SEC24A: variants seen among roughly 807,000 people sequenced by gnomAD.
SEC24A encodes protein transport protein Sec24A.
In SEC24A, 93 loss-of-function variants were observed where a neutral mutation model predicts 129.4. The observed-to-expected ratio is 0.72, with a 90% CI of 0.61 to 0.85. The LOEUF is 0.85. Among genes scored for constraint, SEC24A ranks in the 40% least tolerant of loss-of-function variants. The pLI is 0.00. For synonymous variants in SEC24A, 460 were observed against 467.3 expected (o/e 0.98, Z 0.20); for missense variants, 1,264 against 1,307.4 (o/e 0.97, Z 0.51).
At chr5:134,705,090 A>ATATATATATATATATATT (rs1180461537) in intron 16 of SEC24A, among the ~76,000 whole-genome samples, 1 of 123,306 alleles carries the variant, frequency 8.1e-6, no homozygotes, top group East Asian at 2.3e-4. Flanking sequence ...ATATATATAT[A>ATATATATATATATATATT]TTTTTTTTTT....
rs915341979 is a variant in SEC24A at position 134,725,677 on chromosome 5, A to G, written c.*583A>G. On this transcript the variant is annotated 3_prime_UTR_variant, in exon 23 of 23. Coordinates refer to ENST00000398844, the MANE Select transcript of SEC24A (RefSeq NM_021982.3). ...CTAGTATAGCTTGAGAAAAATATGA[A>G]GAAACACATTCAAGCTTTAAAATCT... The G allele has an allele frequency of 2.0e-5, 3 of 152,498 alleles. No homozygotes were observed. Among genetic ancestry groups the G allele is most frequent in the African/African-American group, 7.2e-5 (3 of 41,424 alleles). The allele number at this position is 152,498 out of a possible 1,614,324, so 9.4% of individuals were successfully genotyped here. A position where few individuals can be genotyped will look rare whatever the true frequency, so the allele number is the denominator to read the frequency against.
At chr5:134,722,694 C>G (rs1752658169) in intron 21 of SEC24A, among the ~76,000 whole-genome samples, 2 of 152,210 alleles carry the variant, frequency 1.3e-5, no homozygotes, top group Admixed American at 6.5e-5. Context: ...AGTTTGCCTA[C>G]TCCTGTTCTA....
chr5:134,679,645 C>T lies in SEC24A; in HGVS notation c.1298C>T (p.Ser433Leu). The change falls in exon 8 of 23, where the codon TCA becomes TTA. Residue 433 changes from serine (S) to leucine (L), a missense_variant. Transcript: ENST00000398844. The stretch of plus-strand genomic sequence containing the variant: ...TCCAGTACAATTGTGAGATGCCGTT[C>T]ATGCAGGACGTACATCAATCCTTTC... ...VTSSTIVRCR[S>L]CRTYINPFVS... The T allele has an allele frequency of 6.3e-7, 1 of 1,595,426 alleles. No individual in the cohort carries two copies. The highest frequency in any genetic ancestry group is 1.1e-5 in the South Asian group (1 of 89,340).
At chr5:134,687,284 A>C (rs1751486485) in intron 10 of SEC24A, among the ~76,000 whole-genome samples, 1 of 152,218 alleles carries the variant, frequency 6.6e-6, no homozygotes, top group Admixed American at 6.6e-5. Flanking sequence ...ATAATACTAA[A>C]GTATTAAGGA....
intron 21 of SEC24A, among the ~76,000 whole-genome samples, 155 bp from the exon 22 acceptor site, chr5:134,723,412 C>T (rs1752676496): frequency 6.6e-6 from 1 of 151,792 alleles, no homozygotes. Flanking sequence ...TGCAGTGAGC[C>T]ATGATTATGC....
At chr5:134,693,497 T>G in intron 12 of SEC24A, 1 of 1,411,728 alleles carries the variant, frequency 7.1e-7, no homozygotes, top group Non-Finnish European at 9.2e-7. Context: ...CTTGCTGGAC[T>G]ACTGCATGTG....
At chr5:134,716,688 C>G (rs1479528358) in intron 19 of SEC24A, among the ~76,000 whole-genome samples, 1 of 149,290 alleles carries the variant, frequency 6.7e-6, no homozygotes, top group Non-Finnish European at 1.5e-5. Context: ...ATCCTGGGTA[C>G]TCGGGAGGCT....
intron 1 of SEC24A, among the ~76,000 whole-genome samples, chr5:134,659,288 G>A (rs1213508404): frequency 6.6e-6 from 1 of 151,920 alleles, no homozygotes; most frequent in African/African-American, 2.4e-5. Flanking sequence ...TAGCCAGGAT[G>A]GTCTTGATCT....
intron 4 of SEC24A, among the ~76,000 whole-genome samples, chr5:134,673,826 TA>T (rs1373293284): frequency 6.6e-6 from 1 of 152,132 alleles, no homozygotes; most frequent in Admixed American, 6.6e-5. Context: ...AAATATTAAC[TA>T]GTGTAAATCC....
At chr5:134,705,256 C>A in intron 16 of SEC24A, 71 bp from the exon 17 acceptor site, 1 of 1,217,432 alleles carries the variant, frequency 8.2e-7, no homozygotes, top group South Asian at 1.3e-5. Flanking sequence ...GTGATTTTTC[C>A]AAGTGACTTT....
At position 134,697,953 on chromosome 5, in the gene SEC24A, AT is replaced by A; in HGVS notation, c.2163del (p.Gln722SerfsTer28). The A allele has an allele frequency of 6.2e-7, 1 of 1,614,012 alleles. No individual in the cohort carries two copies. The highest frequency in any genetic ancestry group is 8.5e-7 in the Non-Finnish European group (1 of 1,179,932). ...GSVYYYPSYH[H>X]QHNPVQVQKL... Reference sequence around the variant, plus strand: ...GTCTATTACTATCCCTCTTACCATCATCAGCACAACCCAGTCCAAGTACAGA... The same window carrying A: ...GTCTATTACTATCCCTCTTACCATCACAGCACAACCCAGTCCAAGTACAGA... On this transcript the variant is annotated frameshift_variant, in exon 15 of 23. Transcript: ENST00000398844. LOFTEE classifies it high-confidence loss of function.
At chr5:134,705,238 G>A (rs2150105958) in intron 16 of SEC24A, 89 bp from the exon 17 acceptor site, 1 of 975,412 alleles carries the variant, frequency 1.0e-6, no homozygotes, top group Non-Finnish European at 1.6e-6. Flanking sequence ...ACTGCACCCA[G>A]CTAAGAAGTG....
intron 3 of SEC24A, among the ~76,000 whole-genome samples, chr5:134,671,474 T>G (rs889478864): frequency 1.3e-5 from 2 of 152,342 alleles, no homozygotes; most frequent in African/African-American, 4.8e-5. Context: ...GTATATAATT[T>G]TATAAACTTC....
Position 134,661,289 on chromosome 5 carries a change from C to T in SEC24A, c.268C>T (p.Pro90Ser), listed in dbSNP as rs1316607736. ...QGSGQTLNRP[P>S]VASNPVTPSL... ...ATCTGGGCAGACTCTTAATAGACCA[C>T]CTGTGGCCTCTAATCCAGTGACACC... The change falls in exon 2 of 23, where the codon CCT becomes TCT. Residue 90 changes from proline to serine, a missense_variant. Coordinates refer to ENST00000398844, the MANE Select transcript of SEC24A (RefSeq NM_021982.3). 4 of 1,614,158 alleles carry T rather than the reference C, an allele frequency of 2.5e-6. No individual in the cohort carries two copies. The highest frequency in any genetic ancestry group is 2.2e-5 in the South Asian group (2 of 91,090).
chr5:134,719,869 C>T (rs1487130714), intron 20 of SEC24A, among the ~76,000 whole-genome samples: 2 of 152,104 alleles, frequency 1.3e-5, no homozygotes, highest in African/African-American at 4.8e-5. Flanking sequence ...CCTGTAATCC[C>T]AGCTACTTGG....
intron 20 of SEC24A, among the ~76,000 whole-genome samples, chr5:134,718,530 G>T (rs1752543024): frequency 6.6e-6 from 1 of 152,132 alleles, no homozygotes; most frequent in East Asian, 1.9e-4. Context: ...CTCTATGCAT[G>T]TTACTGCCCC....
At chr5:134,660,779 A>G (rs1290230113) in intron 1 of SEC24A, among the ~76,000 whole-genome samples, 21 of 151,418 alleles carry the variant, frequency 1.4e-4, no homozygotes. Context: ...CTGGTCTTGA[A>G]CTCCTGGGCT....
intron 3 of SEC24A, among the ~76,000 whole-genome samples, chr5:134,667,297 T>C (rs1750694688): frequency 6.6e-6 from 1 of 151,918 alleles, no homozygotes; most frequent in Non-Finnish European, 1.5e-5. Context: ...TTACTACTTT[T>C]CTTGACATGA....
In SEC24A at chr5:134,648,957, C is replaced by T. The variant is rs1749951787; in HGVS notation, c.-120C>T. On this transcript the variant is annotated 5_prime_UTR_variant, in exon 1 of 23. Coordinates refer to ENST00000398844, the MANE Select transcript of SEC24A (RefSeq NM_021982.3). The stretch of plus-strand genomic sequence containing the variant: ...CCTCGGGCTTAATGCGCCCCCCCCT[C>T]TTCTCCCAGTCTTCAGTCTTAAGTC... 4 of 629,116 alleles carry T rather than the reference C, an allele frequency of 6.4e-6. No homozygotes were observed. The South Asian group carries it at 6.4e-5, about 10-fold the overall frequency. 39.0% of individuals were successfully genotyped at this position (629,116 alleles called of 1,614,324 possible). A position where few individuals can be genotyped will look rare whatever the true frequency, so the allele number is the denominator to read the frequency against.
Sources: gnomAD v4.1 joint callset for allele counts (sites outside exome capture counted in the v4.1 genomes callset) on GRCh38, gnomAD v4.1.1 for gene constraint, MANE v1.5 for transcripts, NCBI Gene and HGNC (gene_info 2026-07-23, HGNC 2026-07-21) for gene names.